RAPGEF6: variants seen among roughly 807,000 people sequenced by gnomAD.
RAPGEF6 encodes Rap guanine nucleotide exchange factor 6.
In RAPGEF6, 56 loss-of-function variants were observed where a neutral mutation model predicts 171.4. That is an observed-to-expected ratio of 0.33 (90% CI 0.26 to 0.41). RAPGEF6 has a LOEUF of 0.41. Among genes scored for constraint, RAPGEF6 ranks in the 10% least tolerant of loss-of-function variants. RAPGEF6 has a pLI of 1.00. For missense variants in RAPGEF6, 1,674 were observed against 1,921.4 expected (o/e 0.87, Z 2.41); for synonymous variants, 692 against 650.1 (o/e 1.06, Z -0.98).
chr5:131,612,953 A>T (rs1270490991), intron 1 of RAPGEF6, among the ~76,000 whole-genome samples: 5 of 152,206 alleles, frequency 3.3e-5, no homozygotes, highest in Non-Finnish European at 7.3e-5. Flanking sequence ...TCTCTGCCTA[A>T]AGAGAGACTA....
chr5:131,455,856 A>T lies in RAPGEF6; in HGVS notation c.3021T>A (p.Pro1007=). 1 of 1,613,870 alleles carries T rather than the reference A, an allele frequency of 6.2e-7. No individual in the cohort carries two copies. The highest frequency in any genetic ancestry group is 8.5e-7 in the Non-Finnish European group (1 of 1,179,802). ...RNILSSQSMQ[P]PIIPLFPVVK... ...CAACAGGGAAGAGTGGAATAATTGG[A>T]GGCTGCATACTTTGACTACTAAGAA... The change falls in exon 20 of 28, where the codon CCT becomes CCA. Residue 1007 remains proline, a synonymous_variant. Transcript: ENST00000509018.
At chr5:131,626,693 C>A (rs1473139982) in intron 1 of RAPGEF6, among the ~76,000 whole-genome samples, 1 of 151,932 alleles carries the variant, frequency 6.6e-6, no homozygotes, top group Non-Finnish European at 1.5e-5. Flanking sequence ...TGAATAGGGA[C>A]CATGTCTAAC....
Position 131,430,868 on chromosome 5 carries a change from C to T in RAPGEF6, c.4456G>A (p.Gly1486Ser), listed in dbSNP as rs767733710. The T allele has an allele frequency of 1.3e-6, 2 of 1,597,966 alleles. No homozygotes were observed. The highest frequency in any genetic ancestry group is 1.7e-6 in the Non-Finnish European group (2 of 1,174,322). Residue 1486 changes from glycine (G) to serine (S), a missense_variant, in exon 26 of 28, where the codon GGC (glycine) becomes AGC (serine). Around this residue, in one of 3 missense-constraint regions of RAPGEF6, gnomAD observed 552 missense variants for 574.2 expected, o/e 0.96. Transcript: ENST00000509018. ...CAAAAACACAACTTACCAATCAAGC[C>T]CTTTTCTGTACTTGAAGTGACAGTT... is the stretch of plus-strand genomic sequence containing the variant. ...YKTVTSSTEK[G>S]LIVYCVTSPK...
intron 18 of RAPGEF6, among the ~76,000 whole-genome samples, chr5:131,463,423 A>T (rs1189846658): frequency 6.6e-6 from 1 of 152,110 alleles, no homozygotes; most frequent in Non-Finnish European, 1.5e-5. Flanking sequence ...TACTAAAAAT[A>T]CAAAAATTCG....
intron 3 of RAPGEF6, among the ~76,000 whole-genome samples, chr5:131,597,313 TA>T (rs80160807): frequency 0.018 from 2,469 of 137,766 alleles, 59 homozygotes; most frequent in African/African-American, 0.056. Flanking sequence ...TGGAGGTTAC[TA>T]AAAAAAAAAA....
At chr5:131,526,960 A>C (rs2149916943) in intron 6 of RAPGEF6, among the ~76,000 whole-genome samples, 1 of 152,254 alleles carries the variant, frequency 6.6e-6, no homozygotes, top group African/African-American at 2.4e-5. Context: ...GGGGAAAGAG[A>C]GGTATTGAGA....
intron 5 of RAPGEF6, among the ~76,000 whole-genome samples, chr5:131,559,934 T>C (rs1451363856): frequency 6.6e-6 from 1 of 151,828 alleles, no homozygotes; most frequent in East Asian, 1.9e-4. Context: ...TGATCAAGAA[T>C]GTGTTCAGTA....
intron 1 of RAPGEF6, among the ~76,000 whole-genome samples, chr5:131,626,589 C>T (rs527536647): frequency 1.3e-5 from 2 of 152,026 alleles, no homozygotes; most frequent in East Asian, 3.9e-4. Flanking sequence ...TTCCCTTCCC[C>T]ATCTTGCAAT....
At chr5:131,551,353 A>G (rs960412476) in intron 5 of RAPGEF6, among the ~76,000 whole-genome samples, 3 of 152,012 alleles carry the variant, frequency 2.0e-5, no homozygotes. Context: ...CTCTACTAAA[A>G]ACTACAAAAA....
chr5:131,591,299 A>ATAATTCATAT (rs1763573812), intron 4 of RAPGEF6, among the ~76,000 whole-genome samples: 2 of 152,214 alleles, frequency 1.3e-5, no homozygotes, highest in Admixed American at 1.3e-4. Context: ...TTGAGGCCCT[A>ATAATTCATAT]AAATCTTAAT....
rs547604779 is a variant in RAPGEF6, at chr5:131,626,620, T to C, written c.69+8342A>G. On this transcript the variant is annotated intron_variant, in intron 1 of 27. Coordinates refer to ENST00000509018, the MANE Select transcript of RAPGEF6 (RefSeq NM_016340.6). ...GCAATCCCAAAGCCCTACTCATACCTTTGTCACTAATAACTAAAACATTTA... is the reference window on the plus strand; with the variant it reads ...GCAATCCCAAAGCCCTACTCATACCCTTGTCACTAATAACTAAAACATTTA... 5.3e-5 allele frequency among the ~76,000 whole-genome samples: 8 copies of C among 152,158 alleles called. No individual in the cohort carries two copies. The East Asian group carries it at 1.5e-3, about 29-fold the overall frequency.
At chr5:131,555,989 T>A (rs1761212834) in intron 5 of RAPGEF6, among the ~76,000 whole-genome samples, 1 of 152,216 alleles carries the variant, frequency 6.6e-6, no homozygotes, top group Non-Finnish European at 1.5e-5. Context: ...GTTACTGTAC[T>A]GAACACCATA....
chr5:131,588,325 A>G (rs1452820408), intron 4 of RAPGEF6, among the ~76,000 whole-genome samples: 1 of 152,220 alleles, frequency 6.6e-6, no homozygotes, highest in African/African-American at 2.4e-5. Flanking sequence ...ACTGATTCCA[A>G]TTAGCAGAGG....
chr5:131,505,231 C>G (rs909523462), intron 10 of RAPGEF6, 133 bp downstream of exon 10: 9 of 859,628 alleles, frequency 1.0e-5, no homozygotes, highest in Non-Finnish European at 1.6e-5. Context: ...ACAAAATCTA[C>G]TTTCCTTTAT....
At position 131,573,601 on chromosome 5, in the gene RAPGEF6, C is replaced by A. The variant is rs570889626; in HGVS notation, c.282-11554G>T. Reference sequence around the variant, plus strand: ...TTCATGAGCCAGGCTTCCAAGAGGGCACCAGGGCAGTTCCCCGAGAGGATT... The same window carrying A: ...TTCATGAGCCAGGCTTCCAAGAGGGAACCAGGGCAGTTCCCCGAGAGGATT... On this transcript the variant is annotated intron_variant, in intron 4 of 27. Transcript: ENST00000509018. 2.0e-5 allele frequency among the ~76,000 whole-genome samples: 3 copies of A among 152,212 alleles called. No individual in the cohort carries two copies. In the South Asian group the frequency reaches 6.2e-4, roughly 32 times the overall value.
chr5:131,547,877 T>C (rs1760654896), intron 6 of RAPGEF6, among the ~76,000 whole-genome samples, 170 bp downstream of exon 6: 2 of 151,996 alleles, frequency 1.3e-5, no homozygotes, highest in South Asian at 4.2e-4. Context: ...GTAAGAGCAT[T>C]CCTAACCAAT....
At chr5:131,502,239 G>T in intron 11 of RAPGEF6, among the ~76,000 whole-genome samples, 1 of 152,156 alleles carries the variant, frequency 6.6e-6, no homozygotes, top group East Asian at 1.9e-4. Context: ...AAATGCATGA[G>T]AAATTATTTT....
chr5:131,551,878 T>C (rs1376379605), intron 5 of RAPGEF6, among the ~76,000 whole-genome samples: 2 of 152,028 alleles, frequency 1.3e-5, no homozygotes, highest in Non-Finnish European at 2.9e-5. Context: ...CCACTGAATA[T>C]AACTGAATTG....
intron 17 of RAPGEF6, among the ~76,000 whole-genome samples, chr5:131,471,036 C>A (rs1754701157): frequency 6.6e-6 from 1 of 152,196 alleles, no homozygotes; most frequent in African/African-American, 2.4e-5. Context: ...TTTCTTACCT[C>A]TGTGATATCT....
Sources: allele counts gnomAD v4.1 joint callset (sites outside exome capture counted in the v4.1 genomes callset), GRCh38; gene constraint gnomAD v4.1.1; regional missense constraint gnomAD v4.1.1; transcripts MANE v1.5; gene names NCBI Gene and HGNC (gene_info 2026-07-23, HGNC 2026-07-21).